The following POLDIP3 variants were observed in gnomAD, a reference collection of about 807,000 sequenced individuals.
POLDIP3 encodes polymerase delta-interacting protein 3.
POLDIP3 carries 14 observed loss-of-function variants against 45.1 expected under a neutral mutation model. The observed-to-expected ratio is 0.31, with a 90% confidence interval of 0.20 to 0.49. The LOEUF (loss-of-function observed/expected upper bound fraction) is 0.49. Among genes scored for constraint, POLDIP3 ranks in the 20% least tolerant of loss-of-function variants. The probability of loss-of-function intolerance (pLI) is 0.99; values close to 1 mark genes in which losing one functional copy is unlikely to be tolerated. For synonymous variants in POLDIP3, 223 were observed against 205.2 expected (o/e 1.09, Z -0.74); for missense variants, 511 against 538.8 (o/e 0.95, Z 0.51).
chr22:42,596,530 C>A (rs112967681), intron 4 of POLDIP3, among the ~76,000 whole-genome samples, 165 bp from the exon 5 acceptor site: 8,447 of 152,156 alleles, frequency 0.056, 331 homozygotes, highest in Non-Finnish European at 0.085. Context: ...CCAGTGACAT[C>A]CCATAGGGAA....
chr22:42,592,884 T>G (rs1441543792), intron 6 of POLDIP3, among the ~76,000 whole-genome samples: 1 of 152,216 alleles, frequency 6.6e-6, no homozygotes, highest in Non-Finnish European at 1.5e-5. Flanking sequence ...TTTCTTCACC[T>G]GCAACTGCCT....
At chr22:42,588,149 G>A (rs956789827) in intron 7 of POLDIP3, among the ~76,000 whole-genome samples, 1 of 152,192 alleles carries the variant, frequency 6.6e-6, no homozygotes, top group Non-Finnish European at 1.5e-5. Context: ...AAAAGCCACT[G>A]AAGAGGAACA....
At chr22:42,608,260 C>T (rs1334766495) in intron 1 of POLDIP3, among the ~76,000 whole-genome samples, 2 of 130,266 alleles carry the variant, frequency 1.5e-5, no homozygotes, top group Admixed American at 7.4e-5. Context: ...CTTACCCCCC[C>T]CCCCAAAAAA....
At chr22:42,587,154 C>T (rs763965791) in intron 8 of POLDIP3, among the ~76,000 whole-genome samples, 7 of 152,202 alleles carry the variant, frequency 4.6e-5, no homozygotes, top group Non-Finnish European at 8.8e-5. Flanking sequence ...GGGGTAGCAT[C>T]TGGCACTGTC....
At chr22:42,612,877 A>T (rs1431328461) in intron 1 of POLDIP3, among the ~76,000 whole-genome samples, 1 of 152,160 alleles carries the variant, frequency 6.6e-6, no homozygotes, top group Non-Finnish European at 1.5e-5. Context: ...CTCAACCAGG[A>T]ATCACCATTC....
At position 42,585,739 on chromosome 22, in the gene POLDIP3, G is replaced by C; in HGVS notation, c.*52C>G. 1 of 1,565,472 alleles carries C rather than the reference G, an allele frequency of 6.4e-7. No homozygotes were observed. The highest frequency in any genetic ancestry group is 8.7e-7 in the Non-Finnish European group (1 of 1,153,724). ...CATTGGTCATAAGCTTTGCCTTGGG[G>C]AAACAGAGCCACCCTCCTCTGCCCC... On this transcript the variant is annotated 3_prime_UTR_variant, in exon 9 of 9. Coordinates refer to ENST00000252115, the MANE Select transcript of POLDIP3 (RefSeq NM_032311.5).
chr22:42,597,310 G>A (rs966706701), intron 4 of POLDIP3, among the ~76,000 whole-genome samples: 5 of 152,196 alleles, frequency 3.3e-5, no homozygotes, highest in Non-Finnish European at 4.4e-5. Context: ...GGAACGCAGC[G>A]GCCAGAGAGG....
intron 1 of POLDIP3, among the ~76,000 whole-genome samples, chr22:42,607,020 TTTGGGAGGC>T (rs1926770842): frequency 6.6e-6 from 1 of 152,200 alleles, no homozygotes. Flanking sequence ...ATCCCAACAC[TTTGGGAGGC>T]CAAGGCGGGC....
At chr22:42,586,336 T>TG (rs1172064704) in intron 8 of POLDIP3, among the ~76,000 whole-genome samples, 1 of 129,658 alleles carries the variant, frequency 7.7e-6, no homozygotes, top group East Asian at 3.7e-4. Flanking sequence ...TAGGGTTTTG[T>TG]GGGGTTTTTT....
intron 6 of POLDIP3, among the ~76,000 whole-genome samples, chr22:42,593,960 C>T (rs1301394304): frequency 2.0e-5 from 3 of 152,042 alleles, no homozygotes; most frequent in Admixed American, 1.3e-4. Flanking sequence ...GCGTGTGTTT[C>T]ACAATTAAGA....
In POLDIP3 at chr22:42,585,467, C is replaced by T; in HGVS notation, c.*324G>A. The T allele has an allele frequency of 2.7e-6, 1 of 371,476 alleles. No individual in the cohort carries two copies. Among genetic ancestry groups the T allele is most frequent in the Non-Finnish European group, 5.2e-6 (1 of 193,844 alleles). The allele number at this position is 371,476 out of a possible 1,614,324, so 23.0% of individuals were successfully genotyped here. A position where few individuals can be genotyped will look rare whatever the true frequency, so the allele number is the denominator to read the frequency against. Reference sequence around the variant, plus strand: ...GCATCCCATGGGGCCACAAGAAAGCCACCCAGAGAATTCAGTGTACCATTT... The same window carrying T: ...GCATCCCATGGGGCCACAAGAAAGCTACCCAGAGAATTCAGTGTACCATTT... On this transcript the variant is annotated 3_prime_UTR_variant, in exon 9 of 9. Coordinates refer to ENST00000252115, the MANE Select transcript of POLDIP3 (RefSeq NM_032311.5).
rs570526282 is a variant in POLDIP3, at chr22:42,594,160, C to T, written c.891+1377G>A. Among the ~76,000 whole-genome samples the T allele has an allele frequency of 2.0e-5, 3 of 152,138 alleles. No homozygotes were observed. The South Asian group carries it at 6.2e-4, about 32-fold the overall frequency. ...CCTATAATCCCAGCTACCAGGGAGG[C>T]TGAGGCATAAGAATCACTTGAACCC... On this transcript the variant is annotated intron_variant, in intron 6 of 8. Coordinates refer to ENST00000252115, the MANE Select transcript of POLDIP3 (RefSeq NM_032311.5).
At chr22:42,600,864 G>C (rs1308188868) in intron 3 of POLDIP3, among the ~76,000 whole-genome samples, 3 of 152,166 alleles carry the variant, frequency 2.0e-5, no homozygotes, top group Non-Finnish European at 4.4e-5. Context: ...AGCTACTTGG[G>C]AGGCAGAGGC....
In POLDIP3 at chr22:42,583,751, A is replaced by AT. The variant is rs1925112266; in HGVS notation, c.*2039dup. 6.6e-6 allele frequency: 1 copy of AT among 152,232 alleles called. No homozygotes were observed. Among genetic ancestry groups the AT allele is most frequent in the Non-Finnish European group, 1.5e-5 (1 of 68,032 alleles). 9.4% of individuals were successfully genotyped at this position (152,232 alleles called of 1,614,324 possible). On this transcript the variant is annotated 3_prime_UTR_variant, in exon 9 of 9. Transcript: ENST00000252115. ...ATAACAAATGTTTATTCAGAAATGG[A>AT]TAAGTAATACATAATCACCCTTCAT...
At position 42,614,801 on chromosome 22, in the gene POLDIP3, T is replaced by C. The variant is rs767464626; in HGVS notation, c.57A>G (p.Gly19=). Residue 19 remains glycine (G), a splice_region_variant and synonymous_variant, in exon 1 of 9, where the codon GGA becomes GGG. Transcript: ENST00000252115. The stretch of plus-strand genomic sequence containing the variant: ...CGAAGAAAGGAAAGGCCTCTCACCG[T>C]CCTTTCGCCGCCGCCCCGCGCTTCC... ...LIRKRGAAAK[G]RLNARPGVGG... is the part of the protein sequence containing the mutation. 6.2e-7 allele frequency: 1 copy of C among 1,613,992 alleles called. No homozygotes were observed. The highest frequency in any genetic ancestry group is 8.5e-7 in the Non-Finnish European group (1 of 1,179,894).
chr22:42,585,071 T>C lies in POLDIP3; in HGVS notation c.*720A>G. On this transcript the variant is annotated 3_prime_UTR_variant, in exon 9 of 9. Coordinates refer to ENST00000252115, the MANE Select transcript of POLDIP3 (RefSeq NM_032311.5). ...ACCCAGAAGGGAAAGAGAGCTGGGGTGGGGCATTCAGCACAACTCAAGGAA... is the reference window on the plus strand; with the variant it reads ...ACCCAGAAGGGAAAGAGAGCTGGGGCGGGGCATTCAGCACAACTCAAGGAA... The C allele has an allele frequency of 2.2e-6, 1 of 450,594 alleles. No individual in the cohort carries two copies. Among genetic ancestry groups the C allele is most frequent in the Non-Finnish European group, 4.5e-6 (1 of 224,608 alleles). 27.9% of individuals were successfully genotyped at this position (450,594 alleles called of 1,614,324 possible). A position where few individuals can be genotyped will look rare whatever the true frequency, so the allele number is the denominator to read the frequency against.
intron 1 of POLDIP3, among the ~76,000 whole-genome samples, chr22:42,611,114 T>A (rs1025915034): frequency 6.6e-6 from 1 of 152,180 alleles, no homozygotes; most frequent in Non-Finnish European, 1.5e-5. Flanking sequence ...AGTCAAGGAA[T>A]CTTTTAATAA....
chr22:42,589,097 G>C (rs1233078353), intron 7 of POLDIP3, among the ~76,000 whole-genome samples: 1 of 151,972 alleles, frequency 6.6e-6, no homozygotes, highest in African/African-American at 2.4e-5. Context: ...CTAAAAATTA[G>C]CTGAGTGTGG....
At chr22:42,605,787 C>T (rs1018358444) in intron 1 of POLDIP3, among the ~76,000 whole-genome samples, 7 of 152,132 alleles carry the variant, frequency 4.6e-5, no homozygotes, top group African/African-American at 9.7e-5. Context: ...CCCTAGGCTT[C>T]GTGTTCCATG....
Sources: allele counts gnomAD v4.1 joint callset (sites outside exome capture counted in the v4.1 genomes callset), GRCh38; gene constraint gnomAD v4.1.1; transcripts MANE v1.5; gene names NCBI Gene and HGNC (gene_info 2026-07-23, HGNC 2026-07-21).